DIS3L2: variants seen among roughly 807,000 people sequenced by gnomAD.
The protein encoded by DIS3L2 is DIS3 like 3'-5' exoribonuclease 2, also known as DIS3-like exonuclease 2.
Under a neutral mutation model 97.5 loss-of-function variants are expected in DIS3L2, and 34 were observed. That is an observed-to-expected ratio of 0.35 (90% confidence interval 0.27 to 0.46). The LOEUF (loss-of-function observed/expected upper bound fraction) is 0.46, where lower values mean the gene tolerates loss of function less well. Ranked by LOEUF, DIS3L2 falls within the 20% of genes least tolerant of loss-of-function variation. The probability of loss-of-function intolerance (pLI) is 1.00; values close to 1 mark genes in which losing one functional copy is unlikely to be tolerated. For synonymous variants in DIS3L2, 435 were observed against 445.2 expected, an observed-to-expected ratio of 0.98 and a Z score of 0.29; for missense variants, 1,038 against 1,146.0, an observed-to-expected ratio of 0.91 and a Z score of 1.36.
chr2:232,127,059 A>G (rs974403610), intron 6 of DIS3L2, among the ~76,000 whole-genome samples: 6 of 152,202 alleles, frequency 3.9e-5, no homozygotes, highest in Non-Finnish European at 8.8e-5. Context: ...TGTGTATAGC[A>G]GTGTGGTGCA....
In DIS3L2 at chr2:232,276,382, G is replaced by A. The variant is rs555316115; in HGVS notation, c.1659+12942G>A. ...AGCTCTCAGGCTTACCCACCTCCCTGGTGGCTATGCCAGAGCACAGCTGAG... is the reference window on the plus strand; with the variant it reads ...AGCTCTCAGGCTTACCCACCTCCCTAGTGGCTATGCCAGAGCACAGCTGAG... On this transcript the variant is annotated intron_variant, in intron 13 of 20. Coordinates refer to ENST00000325385, the MANE Select transcript of DIS3L2 (RefSeq NM_152383.5). This position sits in a 1 kb window ranked among gnomAD's most constrained non-coding sequence, Gnocchi z 4.4. Among the ~76,000 whole-genome samples, 4 of 152,198 alleles carry A rather than the reference G, an allele frequency of 2.6e-5. No homozygotes were observed. Among genetic ancestry groups the A allele is most frequent in the South Asian group, 4.1e-4 (2 of 4,836 alleles).
At chr2:232,097,098 T>A (rs1697044646) in intron 6 of DIS3L2, among the ~76,000 whole-genome samples, 1 of 152,234 alleles carries the variant, frequency 6.6e-6, no homozygotes, top group Non-Finnish European at 1.5e-5. Context: ...GATTTGTGTA[T>A]TGTAATCTAA....
At chr2:232,320,333 G>GA (rs1009714689) in intron 14 of DIS3L2, among the ~76,000 whole-genome samples, 43 of 151,568 alleles carry the variant, frequency 2.8e-4, no homozygotes, top group Non-Finnish European at 5.0e-4. Flanking sequence ...TAGTTCAGTG[G>GA]AAAAAAAAAC....
intron 5 of DIS3L2, among the ~76,000 whole-genome samples, chr2:232,047,600 TTAAAG>T (rs1327674363): frequency 2.6e-5 from 4 of 152,206 alleles, no homozygotes; most frequent in African/African-American, 9.7e-5. Context: ...TTTTGATAAT[TTAAAG>T]TATACAGTTC....
intron 14 of DIS3L2, among the ~76,000 whole-genome samples, chr2:232,323,879 G>A (rs1248227078): frequency 2.0e-5 from 3 of 151,822 alleles, no homozygotes; most frequent in Admixed American, 1.3e-4. Context: ...AAGGTGCTCT[G>A]CCTGCGGCTC....
chr2:232,220,932 G>A (rs576488291), intron 10 of DIS3L2, among the ~76,000 whole-genome samples: 125 of 151,360 alleles, frequency 8.3e-4, no homozygotes, highest in African/African-American at 3.0e-3. Flanking sequence ...GAGAAACCCC[G>A]TCTCTACTAA....
chr2:232,245,068 A>G (rs150057545), intron 11 of DIS3L2, among the ~76,000 whole-genome samples: 5 of 152,354 alleles, frequency 3.3e-5, no homozygotes, highest in African/African-American at 1.2e-4. Flanking sequence ...AGCAAAGTTA[A>G]TGAGGACAAG....
intron 1 of DIS3L2, among the ~76,000 whole-genome samples, chr2:231,997,537 C>T (rs538802018): frequency 6.3e-4 from 96 of 152,214 alleles, no homozygotes; most frequent in Non-Finnish European, 1.2e-3. Flanking sequence ...TTATTTAGTG[C>T]GTCATTTGTA....
chr2:231,964,573 T>A lies in DIS3L2; in HGVS notation c.-94+2808T>A, dbSNP rs80318369. On this transcript the variant is annotated intron_variant, in intron 1 of 20. Transcript: ENST00000325385. ...TATTTGAACATGGTTGGATAACGAC[T>A]TTATTTTTAATCTGATGATGATGGA... is the stretch of plus-strand genomic sequence containing the variant. Among the ~76,000 whole-genome samples, 943 of 152,324 alleles carry A rather than the reference T, an allele frequency of 6.2e-3. 4 individuals are homozygous for A. Among genetic ancestry groups the A allele is most frequent in the Non-Finnish European group, 0.01 (697 of 68,030 alleles).
rs188796348 is a variant in DIS3L2 at position 232,263,382 on chromosome 2, G to A, written c.1601G>A (p.Gly534Glu). The A allele has an allele frequency of 1.9e-6, 3 of 1,614,154 alleles. No homozygotes were observed. Among genetic ancestry groups the A allele is most frequent in the Admixed American group, 1.7e-5 (1 of 60,024 alleles). The part of the protein sequence containing the change: ...EVHQAVLNLH[G>E]IAKQLRQQRF... ...CACCAGGCCGTCTTGAATCTCCACG[G>A]AATTGCCAAGCAGTTACGCCAGCAG... The change falls in exon 13 of 21, where the codon GGA becomes GAA. Residue 534 changes from glycine (G) to glutamate (E), a missense_variant. By Grantham distance (98) the Gly-to-Glu change is moderately conservative (BLOSUM62 -2). Coordinates refer to ENST00000325385, the MANE Select transcript of DIS3L2 (RefSeq NM_152383.5).
chr2:232,289,335 C>T (rs1387290572), intron 13 of DIS3L2, among the ~76,000 whole-genome samples: 2 of 151,658 alleles, frequency 1.3e-5, no homozygotes, highest in African/African-American at 4.8e-5. Context: ...CGCAGTGGCA[C>T]CATCTTGGCT....
intron 8 of DIS3L2, 35 bp downstream of exon 8, chr2:232,136,754 C>T: frequency 1.9e-6 from 3 of 1,606,860 alleles, no homozygotes; most frequent in Non-Finnish European, 2.6e-6. Flanking sequence ...CCACAGGTCA[C>T]AGGCAGAACT....
rs964819308 is a variant in DIS3L2, at chr2:232,318,795, C to T, written c.1740-11018C>T. On this transcript the variant is annotated intron_variant, in intron 14 of 20. Transcript: ENST00000325385. ...CCAAGCCCTGGAGAACTGAGCAGAG[C>T]AGAGAGCCGCCTCACCAAGCCTCTG... Among the ~76,000 whole-genome samples, 12 of 152,304 alleles carry T rather than the reference C, an allele frequency of 7.9e-5. No individual in the cohort carries two copies. The South Asian group carries it at 8.3e-4, about 11-fold the overall frequency.
chr2:231,972,112 G>A (rs1036880109), intron 1 of DIS3L2, among the ~76,000 whole-genome samples: 4 of 151,742 alleles, frequency 2.6e-5, no homozygotes, highest in African/African-American at 7.2e-5. Context: ...TTGAACCTGG[G>A]AGGCGGAGGT....
At chr2:232,132,857 G>A (rs1574528) in intron 7 of DIS3L2, among the ~76,000 whole-genome samples, 16,256 of 151,886 alleles carry the variant, frequency 0.11, 1,077 homozygotes, top group African/African-American at 0.19. Flanking sequence ...TGCGACTCTC[G>A]TCTACCCAGA....
intron 9 of DIS3L2, among the ~76,000 whole-genome samples, chr2:232,205,204 C>A (rs1048976501): frequency 5.5e-4 from 56 of 102,606 alleles, no homozygotes; most frequent in South Asian, 1.7e-3. Context: ...TATTTGAAGG[C>A]AGTTTACATA....
At chr2:232,109,682 G>A (rs1697465777) in intron 6 of DIS3L2, among the ~76,000 whole-genome samples, 1 of 151,862 alleles carries the variant, frequency 6.6e-6, no homozygotes, top group Non-Finnish European at 1.5e-5. Context: ...ATTGAAATTG[G>A]GCCCCTTCCT....
At chr2:231,997,898 C>T (rs569327047) in intron 1 of DIS3L2, among the ~76,000 whole-genome samples, 1 of 152,232 alleles carries the variant, frequency 6.6e-6, no homozygotes, top group Non-Finnish European at 1.5e-5. Flanking sequence ...TACCATTAGC[C>T]AGTAGATTTT....
chr2:232,099,627 G>A (rs1297201722), intron 6 of DIS3L2, among the ~76,000 whole-genome samples: 1 of 152,214 alleles, frequency 6.6e-6, no homozygotes, highest in Admixed American at 6.5e-5. Context: ...GTTTCTGAGA[G>A]TTTACTGTTT....
Sources: gnomAD v4.1 joint callset for allele counts (sites outside exome capture counted in the v4.1 genomes callset) on GRCh38, gnomAD v4.1.1 for gene constraint, Gnocchi (gnomAD v3.1) non-coding constraint, MANE v1.5 for transcripts, NCBI Gene and HGNC (gene_info 2026-07-23, HGNC 2026-07-21) for gene names.